Variants in PTPRS observed in about 807,000 individuals in gnomAD.
The protein encoded by PTPRS is protein tyrosine phosphatase receptor type S.
In PTPRS, 63 loss-of-function variants were observed where a neutral mutation model predicts 215.3. That is an observed-to-expected ratio of 0.29 (90% CI 0.24 to 0.36). PTPRS has a LOEUF of 0.36. PTPRS is among the 10% of genes least tolerant of loss of function. The probability of loss-of-function intolerance (pLI) is 1.00; values close to 1 mark genes in which losing one functional copy is unlikely to be tolerated. For synonymous variants in PTPRS, 1,404 were observed against 1,191.4 expected, an observed-to-expected ratio of 1.18 and a Z score of -3.68; for missense variants, 2,258 against 2,825.8, an observed-to-expected ratio of 0.80 and a Z score of 4.56.
At position 5,206,735 on chromosome 19, in the gene PTPRS, C is replaced by G. The variant is rs755594875; in HGVS notation, c.*39G>C. 3 of 1,594,466 alleles carry G rather than the reference C, an allele frequency of 1.9e-6. No homozygotes were observed. The highest frequency in any genetic ancestry group is 2.6e-6 in the Non-Finnish European group (3 of 1,162,656). On this transcript the variant is annotated 3_prime_UTR_variant, in exon 38 of 38. Transcript: ENST00000262963. Reference sequence around the variant, plus strand: ...GTCCGCCCGGGAGGGGCAGAGGCATCCGGGGCCAGTGGTGTCGGGCCTGGG... The same window carrying G: ...GTCCGCCCGGGAGGGGCAGAGGCATGCGGGGCCAGTGGTGTCGGGCCTGGG...
rs556513528 is a variant in PTPRS, at chr19:5,229,500, G to T, written c.2340C>A (p.Ala780=). Residue 780 remains alanine (A), a synonymous_variant, in exon 15 of 38, where the codon GCC becomes GCA. Coordinates refer to ENST00000262963, the MANE Select transcript of PTPRS (RefSeq NM_002850.4). ...GPPRIKDVML[A]DAQWETDDTA... The stretch of plus-strand genomic sequence containing the variant: ...CCGGCCCCCCGCCCACCTGGGCATC[G>T]GCCAGCATGACGTCCTTGATGCGCG... 1 of 1,448,530 alleles carries T rather than the reference G, an allele frequency of 6.9e-7. No homozygotes were observed. The highest frequency in any genetic ancestry group is 9.1e-7 in the Non-Finnish European group (1 of 1,103,274). The allele number at this position is 1,448,530 out of a possible 1,614,324, so 89.7% of individuals were successfully genotyped here.
At chr19:5,278,789 A>G (rs2047609228) in intron 2 of PTPRS, among the ~76,000 whole-genome samples, 1 of 152,044 alleles carries the variant, frequency 6.6e-6, no homozygotes, top group South Asian at 2.1e-4. Flanking sequence ...TGCTTTTTAA[A>G]ATAAACTACT....
At chr19:5,332,457 A>T (rs2050358453) in intron 1 of PTPRS, among the ~76,000 whole-genome samples, 1 of 152,098 alleles carries the variant, frequency 6.6e-6, no homozygotes, top group Admixed American at 6.5e-5. Context: ...TAAAATCTAG[A>T]TTTCTGCTTT....
intron 5 of PTPRS, among the ~76,000 whole-genome samples, chr19:5,263,981 G>A (rs1248705870): frequency 6.6e-6 from 1 of 152,180 alleles, no homozygotes; most frequent in Non-Finnish European, 1.5e-5. Flanking sequence ...CAACACACAC[G>A]CAGACACAGC....
chr19:5,318,376 T>A (rs1600112585), intron 1 of PTPRS, among the ~76,000 whole-genome samples: 1 of 149,438 alleles, frequency 6.7e-6, no homozygotes, highest in East Asian at 2.0e-4. Flanking sequence ...GATGGAATGA[T>A]GACCGTGAAA....
intron 13 of PTPRS, among the ~76,000 whole-genome samples, chr19:5,236,537 G>C (rs745842394): frequency 6.6e-6 from 1 of 152,224 alleles, no homozygotes; most frequent in Non-Finnish European, 1.5e-5. Context: ...AAGAGCATTA[G>C]AAACCCTCAC....
chr19:5,289,619 T>A (rs975884410), intron 1 of PTPRS, among the ~76,000 whole-genome samples: 1 of 152,150 alleles, frequency 6.6e-6, no homozygotes, highest in Non-Finnish European at 1.5e-5. Context: ...TCCAGCCGCA[T>A]GGGCCTCCTT....
chr19:5,307,789 T>C lies in PTPRS; in HGVS notation c.-94-21555A>G, dbSNP rs182782160. 2.3e-3 allele frequency among the ~76,000 whole-genome samples: 344 copies of C among 152,352 alleles called. 1 individual carries two copies. The highest frequency in any genetic ancestry group is 5.9e-3 in the Admixed American group (91 of 15,298). ...CTCAGGGCGACTGTACCACGGTGCGTAGACGGAGACCATTTTTATCATCGC... is the reference window on the plus strand; with the variant it reads ...CTCAGGGCGACTGTACCACGGTGCGCAGACGGAGACCATTTTTATCATCGC... On this transcript the variant is annotated intron_variant, in intron 1 of 37. Coordinates refer to ENST00000262963, the MANE Select transcript of PTPRS (RefSeq NM_002850.4).
Position 5,206,699 on chromosome 19 carries a change from G to A in PTPRS, c.*75C>T. On this transcript the variant is annotated 3_prime_UTR_variant, in exon 38 of 38. Transcript: ENST00000262963. The stretch of plus-strand genomic sequence containing the variant: ...TCCTGCCCTGCCCACTGGGGGTCCA[G>A]GCCTCAGGAGGTCCGCCCGGGAGGG... 2 of 1,350,142 alleles carry A rather than the reference G, an allele frequency of 1.5e-6. No individual in the cohort carries two copies. The highest frequency in any genetic ancestry group is 2.1e-6 in the Non-Finnish European group (2 of 944,584). The allele number at this position is 1,350,142 out of a possible 1,614,324, so 83.6% of individuals were successfully genotyped here.
At chr19:5,314,147 A>G (rs144896964) in intron 1 of PTPRS, among the ~76,000 whole-genome samples, 39 of 152,156 alleles carry the variant, frequency 2.6e-4, no homozygotes, top group Non-Finnish European at 3.7e-4. Flanking sequence ...CTATCAATCA[A>G]TCGAGACCAC....
At chr19:5,225,503 C>G (rs1012223347) in intron 17 of PTPRS, among the ~76,000 whole-genome samples, 2 of 146,652 alleles carry the variant, frequency 1.4e-5, no homozygotes, top group Non-Finnish European at 3.0e-5. Flanking sequence ...CTGGTGGGAG[C>G]CGGGGGGACA....
intron 1 of PTPRS, among the ~76,000 whole-genome samples, chr19:5,301,852 C>G (rs534774614): frequency 5.5e-4 from 84 of 152,292 alleles, no homozygotes; most frequent in Non-Finnish European, 1.0e-3. Context: ...GCAATCTCAG[C>G]TCACTGCAAC....
chr19:5,273,391 C>G lies in PTPRS; in HGVS notation c.379+51G>C, dbSNP rs772841671. ...TCATGTATTCCTTTTGTGCTTGTCC[C>G]CAAAGCCCAGGGCCCAGTTTATCCT... On this transcript the variant is annotated intron_variant, in intron 4 of 37. Coordinates refer to ENST00000262963, the MANE Select transcript of PTPRS (RefSeq NM_002850.4). The G allele has an allele frequency of 3.7e-6, 6 of 1,612,654 alleles. 1 individual carries two copies. The African/African-American group carries it at 6.7e-5, about 18-fold the overall frequency.
intron 23 of PTPRS, 171 bp from the exon 24 acceptor site, chr19:5,218,969 C>T (rs532777973): frequency 1.2e-4 from 87 of 715,964 alleles, no homozygotes; most frequent in African/African-American, 2.5e-4. Flanking sequence ...CCCTGCCTAT[C>T]GACACCACAA....
At chr19:5,227,212 C>T (rs2042577234) in intron 16 of PTPRS, among the ~76,000 whole-genome samples, 1 of 151,920 alleles carries the variant, frequency 6.6e-6, no homozygotes, top group Admixed American at 6.6e-5. Context: ...ACATGCCTGG[C>T]TAATGATGTT....
intron 26 of PTPRS, among the ~76,000 whole-genome samples, chr19:5,216,296 C>T (rs1415253973): frequency 6.6e-6 from 1 of 152,130 alleles, no homozygotes; most frequent in African/African-American, 2.4e-5. Flanking sequence ...ATATCTGGGT[C>T]TGCAGAACCC....
rs770940806 is a variant in PTPRS at position 5,243,931 on chromosome 19, C to T, written c.1540G>A (p.Asp514Asn). 3 of 1,562,852 alleles carry T rather than the reference C, an allele frequency of 1.9e-6. No individual in the cohort carries two copies. Among genetic ancestry groups the T allele is most frequent in the Non-Finnish European group, 2.6e-6 (3 of 1,159,048 alleles). The change falls in exon 11 of 38, where the codon GAC (aspartate) becomes AAC (asparagine). Residue 514 changes from aspartate (D) to asparagine (N), a missense_variant. By Grantham distance (23) the Asp-to-Asn change is conservative (BLOSUM62 1). Transcript: ENST00000262963. Reference protein sequence around the residue: ...FTSVGDGPLSDPIQVKTQQGV... With the variant: ...FTSVGDGPLSNPIQVKTQQGV... Reference sequence around the variant, plus strand: ...TGCTGCGTCTTGACCTGGATGGGGTCCGAGAGGGGCCCGTCGCCGACGGAG... The same window carrying T: ...TGCTGCGTCTTGACCTGGATGGGGTTCGAGAGGGGCCCGTCGCCGACGGAG...
chr19:5,245,221 C>T (rs2145974289), intron 10 of PTPRS, among the ~76,000 whole-genome samples: 1 of 151,598 alleles, frequency 6.6e-6, no homozygotes, highest in Admixed American at 6.6e-5. Flanking sequence ...AACTCCTGAC[C>T]TCAGGTGATC....
Position 5,219,591 on chromosome 19 carries a change from T to C in PTPRS, c.3766-124A>G, listed in dbSNP as rs1388584121. The C allele has an allele frequency of 4.0e-6, 5 of 1,238,732 alleles. No homozygotes were observed. The African/African-American group carries it at 6.1e-5, about 15-fold the overall frequency. 76.7% of individuals were successfully genotyped at this position (1,238,732 alleles called of 1,614,324 possible). ...AGATCCTCCTATATTCCTAGAACCT[T>C]GACCCTGGTGGCCTATGTGACCTGG... On this transcript the variant is annotated intron_variant, in intron 22 of 37. Coordinates refer to ENST00000262963, the MANE Select transcript of PTPRS (RefSeq NM_002850.4).
Sources: gnomAD v4.1 joint callset for allele counts (sites outside exome capture counted in the v4.1 genomes callset) on GRCh38, gnomAD v4.1.1 for gene constraint, MANE v1.5 for transcripts, NCBI Gene and HGNC (gene_info 2026-07-23, HGNC 2026-07-21) for gene names.